GRIP1: variants seen among roughly 807,000 people sequenced by gnomAD.
GRIP1 encodes the protein glutamate receptor-interacting protein 1.
Under a neutral mutation model 129.9 loss-of-function variants are expected in GRIP1, and 45 were observed. The observed-to-expected ratio is 0.35, with a 90% CI of 0.27 to 0.44. The LOEUF is 0.44. Among genes scored for constraint, GRIP1 ranks in the 20% least tolerant of loss-of-function variants. The pLI, the probability that GRIP1 is intolerant of heterozygous loss-of-function variation, is 1.00. For synonymous variants in GRIP1, 530 were observed against 520.8 expected (o/e 1.02, Z -0.24); for missense variants, 1,196 against 1,396.8 (o/e 0.86, Z 2.29).
At position 66,777,900 on chromosome 12, in the gene GRIP1, T is replaced by G. The variant is rs2038032653; in HGVS notation, c.-420+26153A>C. On this transcript the variant is annotated intron_variant, in intron 1 of 4. Coordinates refer to the GRIP1 transcript ENST00000538373. ...ACCCTATTATATGTTATTACTTTCT[T>G]TCTCCCTCCTTCCCTCCCTCTCTCA... 2.6e-5 allele frequency among the ~76,000 whole-genome samples: 4 copies of G among 152,030 alleles called. No individual in the cohort carries two copies. The South Asian group carries it at 6.2e-4, about 24-fold the overall frequency.
At chr12:66,920,024 C>T (rs990082472) in intron 1 of GRIP1, among the ~76,000 whole-genome samples, 9 of 151,724 alleles carry the variant, frequency 5.9e-5, no homozygotes, top group Admixed American at 2.6e-4. Flanking sequence ...AATATAAACC[C>T]AATAGAATAT....
chr12:66,625,734 T>C (rs111295394), intron 1 of GRIP1, among the ~76,000 whole-genome samples: 17 of 152,298 alleles, frequency 1.1e-4, no homozygotes, highest in African/African-American at 3.4e-4. Context: ...AAAGGAATAA[T>C]TTTAAGATAG....
At chr12:66,563,264 G>A (rs765281612) in intron 2 of GRIP1, among the ~76,000 whole-genome samples, 2 of 152,134 alleles carry the variant, frequency 1.3e-5, no homozygotes, top group Non-Finnish European at 2.9e-5. Flanking sequence ...ATAAGAACTA[G>A]AAAACAGAAG....
At chr12:66,872,848 A>G (rs2040318822) in intron 1 of GRIP1, among the ~76,000 whole-genome samples, 1 of 152,126 alleles carries the variant, frequency 6.6e-6, no homozygotes, top group Middle Eastern at 3.2e-3. Context: ...TAACAATGAT[A>G]TTATTATGCT....
intron 1 of GRIP1, among the ~76,000 whole-genome samples, chr12:66,729,476 G>T (rs999073321): frequency 3.3e-5 from 5 of 152,176 alleles, no homozygotes; most frequent in African/African-American, 1.2e-4. Flanking sequence ...AATCTAGAAG[G>T]AAGGACTATT....
chr12:66,940,892 C>A (rs1482809754), intron 1 of GRIP1, among the ~76,000 whole-genome samples: 1 of 151,948 alleles, frequency 6.6e-6, no homozygotes, highest in South Asian at 2.1e-4. Flanking sequence ...GCTTTAAATT[C>A]TTTGTGGAAA....
At chr12:66,364,488 T>C (rs539046411) in intron 23 of GRIP1, among the ~76,000 whole-genome samples, 23 of 152,084 alleles carry the variant, frequency 1.5e-4, no homozygotes, top group Non-Finnish European at 2.5e-4. Context: ...AGGAAATTCC[T>C]GGCGGGCCCT....
At chr12:66,383,683 C>A (rs2056225403) in intron 19 of GRIP1, among the ~76,000 whole-genome samples, 1 of 152,190 alleles carries the variant, frequency 6.6e-6, no homozygotes, top group African/African-American at 2.4e-5. Context: ...AAAGGCATGA[C>A]TAGGCAGTTG....
chr12:67,045,394 T>C (rs1423287206), intron 1 of GRIP1, among the ~76,000 whole-genome samples: 1 of 152,170 alleles, frequency 6.6e-6, no homozygotes, highest in Non-Finnish European at 1.5e-5. Flanking sequence ...CTCAAATAAA[T>C]TAGCTGGAAA....
intron 1 of GRIP1, among the ~76,000 whole-genome samples, chr12:67,063,264 T>C (rs2135895581): frequency 6.6e-6 from 1 of 152,328 alleles, no homozygotes; most frequent in Non-Finnish European, 1.5e-5. Flanking sequence ...GACCATATCT[T>C]CTTTACATTG....
At chr12:66,990,344 G>C (rs1199855220) in intron 1 of GRIP1, among the ~76,000 whole-genome samples, 1 of 152,186 alleles carries the variant, frequency 6.6e-6, no homozygotes, top group Non-Finnish European at 1.5e-5. Flanking sequence ...AGTTATTCAA[G>C]AGACATTTAA....
chr12:66,737,236 T>C (rs908539543), intron 1 of GRIP1, among the ~76,000 whole-genome samples: 2 of 152,192 alleles, frequency 1.3e-5, no homozygotes, highest in African/African-American at 2.4e-5. Context: ...TTCTGCAAAT[T>C]GTCCTCTGTT....
chr12:66,534,175 C>T (rs904373497), intron 4 of GRIP1, among the ~76,000 whole-genome samples: 10 of 152,152 alleles, frequency 6.6e-5, no homozygotes, highest in Admixed American at 1.3e-4. Flanking sequence ...GAATAGACCC[C>T]TTTTGATTTC....
At chr12:66,700,596 T>G (rs2035318960) in intron 1 of GRIP1, among the ~76,000 whole-genome samples, 1 of 152,058 alleles carries the variant, frequency 6.6e-6, no homozygotes, top group South Asian at 2.1e-4. Context: ...GACAGGTGCA[T>G]GCCACTGTGC....
At position 66,394,233 on chromosome 12, in the gene GRIP1, G is replaced by A; in HGVS notation, c.2104C>T (p.Leu702Phe). Residue 702 changes from leucine to phenylalanine, a missense_variant, in exon 17 of 25, where the codon CTC becomes TTC. Physicochemically the swap from Leu to Phe is conservative, Grantham distance 22. Coordinates refer to ENST00000359742, the MANE Select transcript of GRIP1 (RefSeq NM_001366722.1). ...EPFDPIIISS[L>F]TKGGLAERTG... ...CTTTCAGCTAATCCCCCTTTAGTGA[G>A]GCTTGAAATGATTATAGGATCAAAC... The A allele has an allele frequency of 6.2e-7, 1 of 1,614,066 alleles. No homozygotes were observed. Among genetic ancestry groups the A allele is most frequent in the Non-Finnish European group, 8.5e-7 (1 of 1,179,926 alleles).
chr12:66,915,661 A>G (rs1205625073), intron 1 of GRIP1, among the ~76,000 whole-genome samples: 1 of 152,208 alleles, frequency 6.6e-6, no homozygotes, highest in Non-Finnish European at 1.5e-5. Flanking sequence ...TCTGTTGAGA[A>G]GAAAGATATT....
chr12:66,962,945 T>C (rs187231877), intron 1 of GRIP1, among the ~76,000 whole-genome samples: 115 of 152,300 alleles, frequency 7.6e-4, no homozygotes, highest in African/African-American at 2.7e-3. Flanking sequence ...TAGAGATCCA[T>C]GGTTGATCTA....
chr12:66,946,905 G>C (rs531116503), intron 1 of GRIP1, among the ~76,000 whole-genome samples: 7 of 151,776 alleles, frequency 4.6e-5, no homozygotes, highest in Non-Finnish European at 7.4e-5. Flanking sequence ...TTAGCCAGGC[G>C]TGGTGGTTGG....
At chr12:66,823,217 A>G (rs979344320) in intron 1 of GRIP1, among the ~76,000 whole-genome samples, 1 of 152,164 alleles carries the variant, frequency 6.6e-6, no homozygotes, top group African/African-American at 2.4e-5. Flanking sequence ...CTGATTACAT[A>G]ATCCTCAGAC....
Sources: gnomAD v4.1 joint callset for allele counts (sites outside exome capture counted in the v4.1 genomes callset) on GRCh38, gnomAD v4.1.1 for gene constraint, MANE v1.5 for transcripts, NCBI Gene and HGNC (gene_info 2026-07-23, HGNC 2026-07-21) for gene names.